IQGAP1: variants seen among roughly 807,000 people sequenced by gnomAD.
IQGAP1 encodes IQ motif containing GTPase activating protein 1.
Under a neutral mutation model 215.6 loss-of-function variants are expected in IQGAP1, and 66 were observed. That is an observed-to-expected ratio of 0.31 (90% confidence interval 0.25 to 0.38). The LOEUF (loss-of-function observed/expected upper bound fraction) is 0.38, where lower values mean the gene tolerates loss of function less well. IQGAP1 is among the 10% of genes least tolerant of loss of function. IQGAP1 has a pLI of 1.00. For missense variants in IQGAP1, 1,712 were observed against 1,997.1 expected (o/e 0.86, Z 2.72); for synonymous variants, 772 against 728.7 (o/e 1.06, Z -0.96).
chr15:90,458,992 A>G (rs541065581), intron 15 of IQGAP1, among the ~76,000 whole-genome samples: 7 of 152,302 alleles, frequency 4.6e-5, no homozygotes, highest in Non-Finnish European at 8.8e-5. Flanking sequence ...CCCTTCACCA[A>G]AACTTACAGA....
chr15:90,469,584 T>G (rs1965877961), intron 18 of IQGAP1, among the ~76,000 whole-genome samples: 1 of 152,238 alleles, frequency 6.6e-6, no homozygotes, highest in South Asian at 2.1e-4. Context: ...CTTCCATTGT[T>G]TCACAGTGTT....
At chr15:90,475,517 G>A (rs892754778) in intron 23 of IQGAP1, among the ~76,000 whole-genome samples, 1 of 151,792 alleles carries the variant, frequency 6.6e-6, no homozygotes, top group East Asian at 2.0e-4. Flanking sequence ...TTGGGAGGCC[G>A]AGAAGGGCGG....
chr15:90,454,403 C>G (rs376428981), intron 13 of IQGAP1, 25 bp from the exon 14 acceptor site: 69 of 1,612,764 alleles, frequency 4.3e-5, no homozygotes, highest in Non-Finnish European at 5.8e-5. Flanking sequence ...GCTTAATGCT[C>G]TTTTTACTTG....
At chr15:90,418,647 G>A (rs926018221) in intron 2 of IQGAP1, among the ~76,000 whole-genome samples, 3 of 152,120 alleles carry the variant, frequency 2.0e-5, no homozygotes, top group Admixed American at 2.0e-4. Flanking sequence ...ATTCATTTTT[G>A]TACTAATTGT....
intron 33 of IQGAP1, among the ~76,000 whole-genome samples, chr15:90,490,414 G>T (rs988485159): frequency 7.3e-5 from 11 of 151,718 alleles, no homozygotes; most frequent in Non-Finnish European, 1.5e-4. Flanking sequence ...GAAACAGTGA[G>T]TGTAGATCAT....
chr15:90,389,901 G>A (rs1370975257), intron 1 of IQGAP1, among the ~76,000 whole-genome samples: 4 of 150,012 alleles, frequency 2.7e-5, no homozygotes, highest in African/African-American at 9.8e-5. Flanking sequence ...GCTGCAGTAA[G>A]CCATGATTGT....
chr15:90,476,940 C>T, intron 24 of IQGAP1, 122 bp downstream of exon 24: 1 of 1,313,088 alleles, frequency 7.6e-7, no homozygotes, highest in Non-Finnish European at 1.1e-6. Flanking sequence ...GTGAGGGGCA[C>T]TGTAACATGT....
intron 2 of IQGAP1, among the ~76,000 whole-genome samples, chr15:90,405,454 A>G (rs1964864449): frequency 6.6e-6 from 1 of 152,240 alleles, no homozygotes; most frequent in African/African-American, 2.4e-5. Context: ...GACTTGCCAA[A>G]CTAACATAAT....
intron 5 of IQGAP1, among the ~76,000 whole-genome samples, chr15:90,434,186 C>A (rs1965339012): frequency 6.6e-6 from 1 of 152,082 alleles, no homozygotes; most frequent in African/African-American, 2.4e-5. Flanking sequence ...CCTGTAATCC[C>A]AGCATTTTGG....
intron 2 of IQGAP1, chr15:90,392,011 ACAT>A (rs956991820): frequency 2.6e-5 from 4 of 152,208 alleles, no homozygotes; most frequent in Non-Finnish European, 4.4e-5. Context: ...AGTACAACAA[ACAT>A]CATTGTATTC....
intron 2 of IQGAP1, among the ~76,000 whole-genome samples, chr15:90,404,674 G>T (rs1964852626): frequency 6.6e-6 from 1 of 152,062 alleles, no homozygotes; most frequent in Admixed American, 6.6e-5. Flanking sequence ...TCTTGGCCAG[G>T]TTCAAGCGAT....
In IQGAP1 at chr15:90,467,554, G is replaced by T. The variant is rs748481299; in HGVS notation, c.2140G>T (p.Val714Leu). 1.7e-5 allele frequency: 27 copies of T among 1,612,094 alleles called. 1 individual carries two copies. The East Asian group carries it at 2.0e-4, about 12-fold the overall frequency. Residue 714 changes from valine to leucine, a missense_variant, in exon 18 of 38, where the codon GTG (valine) becomes TTG (leucine). Val to Leu is a conservative substitution (Grantham distance 32). Around this residue, in one of 2 missense-constraint regions of IQGAP1, gnomAD observed 1,021 missense variants for 1,074.2 expected, o/e 0.95. Transcript: ENST00000268182. The stretch of plus-strand genomic sequence containing the variant: ...AGGATGGGATGAACCTCCAAATTTT[G>T]TGCAAAATTCTATGCAGCTTTCTCG... The part of the protein sequence containing the change: ...EGGWDEPPNF[V>L]QNSMQLSREE...
chr15:90,499,887 G>A (rs2151042535), intron 37 of IQGAP1, 108 bp from the exon 38 acceptor site: 3 of 698,790 alleles, frequency 4.3e-6, no homozygotes, highest in Middle Eastern at 3.6e-4. Flanking sequence ...CACAAGGCAG[G>A]CCTCAGTCCA....
At chr15:90,445,076 C>T (rs547023578) in intron 9 of IQGAP1, among the ~76,000 whole-genome samples, 3 of 152,028 alleles carry the variant, frequency 2.0e-5, no homozygotes, top group Admixed American at 6.5e-5. Flanking sequence ...GAGCTGTGTT[C>T]GCACCACTGC....
intron 37 of IQGAP1, among the ~76,000 whole-genome samples, chr15:90,497,797 A>G (rs1210723695): frequency 2.6e-5 from 4 of 152,232 alleles, no homozygotes; most frequent in Non-Finnish European, 5.9e-5. Flanking sequence ...CTCGGGAGTA[A>G]TTCATTTTTG....
chr15:90,466,674 T>C (rs543729043), intron 17 of IQGAP1, among the ~76,000 whole-genome samples: 2 of 151,938 alleles, frequency 1.3e-5, no homozygotes, highest in South Asian at 4.2e-4. Flanking sequence ...TTAAAATATT[T>C]AACTGTTTAT....
chr15:90,429,307 C>T (rs1400335610), intron 3 of IQGAP1, among the ~76,000 whole-genome samples: 1 of 152,162 alleles, frequency 6.6e-6, no homozygotes, highest in Non-Finnish European at 1.5e-5. Context: ...TTTCCAGTGT[C>T]ACCAGTAGAT....
At chr15:90,427,499 G>A (rs1033963268) in intron 3 of IQGAP1, among the ~76,000 whole-genome samples, 3 of 152,160 alleles carry the variant, frequency 2.0e-5, no homozygotes, top group African/African-American at 7.2e-5. Flanking sequence ...CAGCACTTTG[G>A]GAGGTTGAGG....
At chr15:90,439,277 G>T in intron 5 of IQGAP1, 55 bp from the exon 6 acceptor site, 1 of 1,407,292 alleles carries the variant, frequency 7.1e-7, no homozygotes, top group East Asian at 2.3e-5. Flanking sequence ...GCCTTTTAAG[G>T]GTGGCAGCTA....
Sources: gnomAD v4.1 joint callset for allele counts (sites outside exome capture counted in the v4.1 genomes callset) on GRCh38, gnomAD v4.1.1 for gene constraint, gnomAD v4.1.1 regional missense constraint, MANE v1.5 for transcripts, NCBI Gene and HGNC (gene_info 2026-07-23, HGNC 2026-07-21) for gene names.